The following UBR4 variants were observed in gnomAD, a reference collection of about 807,000 sequenced individuals.
UBR4 encodes the protein ubiquitin protein ligase E3 component n-recognin 4.
A neutral mutation model predicts 575.6 loss-of-function variants in UBR4; 124 were observed. That is an observed-to-expected ratio of 0.22 (90% CI 0.19 to 0.25). The LOEUF (loss-of-function observed/expected upper bound fraction) is 0.25. Among genes scored for constraint, UBR4 ranks in the 10% least tolerant of loss-of-function variants. The pLI is 1.00. For synonymous variants in UBR4, 2,455 were observed against 2,473.7 expected, an observed-to-expected ratio of 0.99 and a Z score of 0.22; for missense variants, 4,818 against 6,478.8, an observed-to-expected ratio of 0.74 and a Z score of 8.80.
Position 19,110,796 on chromosome 1 carries a change from C to T in UBR4, c.11838G>A (p.Leu3946=). The T allele has an allele frequency of 6.2e-7, 1 of 1,614,190 alleles. No homozygotes were observed. Among genetic ancestry groups the T allele is most frequent in the South Asian group, 1.1e-5 (1 of 91,082 alleles). The change falls in exon 79 of 106, where the codon CTG becomes CTA. Residue 3946 remains leucine (L), a synonymous_variant. Coordinates refer to ENST00000375254, the MANE Select transcript of UBR4 (RefSeq NM_020765.3). The surrounding 1 kb of genome is among the most constrained non-coding windows in gnomAD (Gnocchi z 4.5). The part of the protein sequence containing the change: ...NPEATQQMND[L]IIGKVSTALK... ...GGGCTGTGGAGACCTTGCCAATAATCAGGTCATTCATCTGTTGGGTGGCTT... is the reference window on the plus strand; with the variant it reads ...GGGCTGTGGAGACCTTGCCAATAATTAGGTCATTCATCTGTTGGGTGGCTT...
In UBR4 at chr1:19,174,368, G is replaced by C; in HGVS notation, c.2933C>G (p.Ser978Cys). Residue 978 changes from serine (S) to cysteine (C), a missense_variant, in exon 22 of 106, where the codon TCC (serine) becomes TGC (cysteine). Physicochemically the swap from Ser to Cys is moderately radical, Grantham distance 112. This residue lies in a region of UBR4 where 1,172 missense variants were observed against 1,259.7 expected (regional missense o/e 0.93). Transcript: ENST00000375254. ...CTTTCTCCTAACTGTATCAAGCTGG[G>C]ACCCAGCTGCAAGCAGGGCTGTCAG... ...AALTALLAAG[S>C]QLDTVRRKEN... 1 of 1,613,370 alleles carries C rather than the reference G, an allele frequency of 6.2e-7. No individual in the cohort carries two copies. Among genetic ancestry groups the C allele is most frequent in the Non-Finnish European group, 8.5e-7 (1 of 1,179,964 alleles).
rs372882903 is a variant in UBR4, at chr1:19,081,403, C to T, written c.15179G>A (p.Arg5060Gln). The T allele has an allele frequency of 4.7e-5, 76 of 1,613,576 alleles. No homozygotes were observed. The highest frequency in any genetic ancestry group is 1.6e-4 in the South Asian group (15 of 91,056). ...QWRATRVEIL[R>Q]RLLVTSQARA... ...AGCCTGCGAGGTCACCAACAGCCTC[C>T]GCAAGATTTCCACACGTGTGGCTCT... The change falls in exon 103 of 106, where the codon CGG (arginine) becomes CAG (glutamine). Residue 5060 changes from arginine (R) to glutamine (Q), a missense_variant. This residue lies in a region of UBR4 where 212 missense variants were observed against 221.3 expected (regional missense o/e 0.96). Transcript: ENST00000375254.
chr1:19,158,773 C>A (rs1477942173), intron 39 of UBR4, among the ~76,000 whole-genome samples: 1 of 151,852 alleles, frequency 6.6e-6, no homozygotes, highest in East Asian at 1.9e-4. Context: ...AAAACTGTGA[C>A]TGATTTTAAT....
At position 19,100,520 on chromosome 1, in the gene UBR4, T is replaced by C. The variant is rs1052382504; in HGVS notation, c.13077A>G (p.Gln4359=). The C allele has an allele frequency of 6.2e-7, 1 of 1,614,100 alleles. No homozygotes were observed. The highest frequency in any genetic ancestry group is 8.5e-7 in the Non-Finnish European group (1 of 1,180,012). The change falls in exon 89 of 106, where the codon CAA becomes CAG. Residue 4359 remains glutamine (Q), a synonymous_variant. Coordinates refer to ENST00000375254, the MANE Select transcript of UBR4 (RefSeq NM_020765.3). This position sits in a 1 kb window ranked among gnomAD's most constrained non-coding sequence, Gnocchi z 4.2. ...GCATCCTGCCCTGTAAGAAGTCTTCTTGTTGGGGATCCTTCTCCAGGGTCA... is the reference window on the plus strand; with the variant it reads ...GCATCCTGCCCTGTAAGAAGTCTTCCTGTTGGGGATCCTTCTCCAGGGTCA... ...FFVTLEKDPQ[Q]EDFLQGRMPG...
rs757632309 is a variant in UBR4 at position 19,193,390 on chromosome 1, T to C, written c.1143+43A>G. On this transcript the variant is annotated intron_variant, in intron 9 of 105. Coordinates refer to ENST00000375254, the MANE Select transcript of UBR4 (RefSeq NM_020765.3). Reference sequence around the variant, plus strand: ...AAGTGGAACTGGCCATACTCCCTCATTTGAACAATCAAGGTTCCCTTATCC... The same window carrying C: ...AAGTGGAACTGGCCATACTCCCTCACTTGAACAATCAAGGTTCCCTTATCC... 4.4e-6 allele frequency: 7 copies of C among 1,605,444 alleles called. No homozygotes were observed. In the Admixed American group the frequency reaches 1.2e-4, roughly 27 times the overall value.
At chr1:19,132,605 T>TAAAAAAAAA in intron 60 of UBR4, among the ~76,000 whole-genome samples, 265 of 24,018 alleles carry the variant, frequency 0.011, 10 homozygotes, top group Admixed American at 0.034. Context: ...TAAAAAATGG[T>TAAAAAAAAA]AAAAAAAAAA....
intron 1 of UBR4, among the ~76,000 whole-genome samples, chr1:19,204,468 C>T (rs2092905903): frequency 2.0e-5 from 3 of 151,916 alleles, no homozygotes; most frequent in Admixed American, 2.0e-4. Context: ...AGAAATACTG[C>T]CCACCCAAAG....
intron 68 of UBR4, 69 bp from the exon 69 acceptor site, chr1:19,120,417 C>T: frequency 6.5e-7 from 1 of 1,527,834 alleles, no homozygotes; most frequent in Non-Finnish European, 8.9e-7. Flanking sequence ...AAGGCCTGGG[C>T]TACCAAATGG....
chr1:19,126,371 T>C, intron 64 of UBR4, 75 bp downstream of exon 64: 5 of 1,573,308 alleles, frequency 3.2e-6, no homozygotes, highest in Non-Finnish European at 3.5e-6. Context: ...CCCCTTGAGC[T>C]CTCTGCACCG....
intron 65 of UBR4, among the ~76,000 whole-genome samples, chr1:19,123,918 A>G (rs1374678059): frequency 6.6e-6 from 1 of 152,206 alleles, no homozygotes; most frequent in Non-Finnish European, 1.5e-5. Flanking sequence ...AATTATGCCA[A>G]TGCACTACTT....
chr1:19,074,795 C>T lies in UBR4; in HGVS notation c.*37G>A. 6.2e-7 allele frequency: 1 copy of T among 1,611,494 alleles called. No individual in the cohort carries two copies. The highest frequency in any genetic ancestry group is 8.5e-7 in the Non-Finnish European group (1 of 1,178,782). On this transcript the variant is annotated 3_prime_UTR_variant, in exon 106 of 106. Transcript: ENST00000375254. ...GGAGAACAGAGGGTGGAAGGCAAGC[C>T]AGCTTCGTCTTCGCCGCCGCAGCTG...
chr1:19,105,005 G>A lies in UBR4; in HGVS notation c.12645+43C>T, dbSNP rs376802231. ...GTAGAGTTTACATCAAGGTACAAGG[G>A]GGAATTAGGGAAGGGGCTCTCTTGG... On this transcript the variant is annotated intron_variant, in intron 85 of 105. Coordinates refer to ENST00000375254, the MANE Select transcript of UBR4 (RefSeq NM_020765.3). 4.9e-4 allele frequency: 783 copies of A among 1,602,924 alleles called. 16 individuals are homozygous for A. In the South Asian group the frequency reaches 6.8e-3, roughly 14 times the overall value.
In UBR4 at chr1:19,084,497, T is replaced by A. The variant is rs747033232; in HGVS notation, c.15008+7A>T. On this transcript the variant is annotated splice_region_variant and intron_variant, in intron 102 of 105. Transcript: ENST00000375254. ...GAGATGCCGCCCCTGGGACACAGGG[T>A]ACTGACGTGTTCAGGACGTAAAGCA... 1.2e-6 allele frequency: 2 copies of A among 1,605,182 alleles called. No individual in the cohort carries two copies. The highest frequency in any genetic ancestry group is 1.7e-6 in the Non-Finnish European group (2 of 1,173,616).
Position 19,100,129 on chromosome 1 carries a change from C to T in UBR4, c.13221+247G>A, listed in dbSNP as rs998118202. The stretch of plus-strand genomic sequence containing the variant: ...CGATAATAAATACCCACCACCACTA[C>T]AACCAACAGCCATTAACAATATGCT... On this transcript the variant is annotated intron_variant, in intron 89 of 105. Transcript: ENST00000375254. This position sits in a 1 kb window ranked among gnomAD's most constrained non-coding sequence, Gnocchi z 4.2. 2.4e-5 allele frequency: 13 copies of T among 535,568 alleles called. No individual in the cohort carries two copies. Among genetic ancestry groups the T allele is most frequent in the Non-Finnish European group, 3.6e-5 (11 of 303,360 alleles). 33.2% of individuals were successfully genotyped at this position (535,568 alleles called of 1,614,324 possible).
chr1:19,170,822 G>T lies in UBR4; in HGVS notation c.3583C>A (p.Leu1195Met). 1 of 1,614,210 alleles carries T rather than the reference G, an allele frequency of 6.2e-7. No homozygotes were observed. Among genetic ancestry groups the T allele is most frequent in the Non-Finnish European group, 8.5e-7 (1 of 1,180,036 alleles). The change falls in exon 26 of 106, where the codon CTG (leucine) becomes ATG (methionine). Residue 1195 changes from leucine (L) to methionine (M), a missense_variant. Transcript: ENST00000375254. ...GCCAAAACAGCAGCAAAGCCTTGCAGTTTCTCCTTGGAAGGTTTCTCAGTT... is the reference window on the plus strand; with the variant it reads ...GCCAAAACAGCAGCAAAGCCTTGCATTTTCTCCTTGGAAGGTTTCTCAGTT... ...GTTEKPSKEK[L>M]QGFAAVLAIG...
rs77259868 is a variant in UBR4, at chr1:19,156,706, G to A, written c.5919+61C>T. 5.8e-3 allele frequency: 9,042 copies of A among 1,565,616 alleles called. 217 individuals carry two copies. In the East Asian group the frequency reaches 0.07, roughly 12 times the overall value. ...TAAGAAAAAGTAGTTCTGAGAACAGGGGAGAGAAAATGACTAGAATCCACA... is the reference window on the plus strand; with the variant it reads ...TAAGAAAAAGTAGTTCTGAGAACAGAGGAGAGAAAATGACTAGAATCCACA... On this transcript the variant is annotated intron_variant, in intron 41 of 105. Coordinates refer to ENST00000375254, the MANE Select transcript of UBR4 (RefSeq NM_020765.3).
chr1:19,187,573 A>C, intron 11 of UBR4, 33 bp from the exon 12 acceptor site: 8 of 1,598,076 alleles, frequency 5.0e-6, no homozygotes, highest in Non-Finnish European at 6.9e-6. Flanking sequence ...ACAATCCTTA[A>C]AATAATTAAC....
chr1:19,093,623 C>T lies in UBR4; in HGVS notation c.13938-137G>A. ...CTAACGTGACACAAAGACCTATCTG[C>T]CCCGGCTCCTGCCACTCTCCCTGTT... On this transcript the variant is annotated intron_variant, in intron 95 of 105. Coordinates refer to ENST00000375254, the MANE Select transcript of UBR4 (RefSeq NM_020765.3). The surrounding 1 kb of genome is among the most constrained non-coding windows in gnomAD (Gnocchi z 4.8). The T allele has an allele frequency of 1.0e-6, 1 of 961,426 alleles. No individual in the cohort carries two copies. The highest frequency in any genetic ancestry group is 1.5e-6 in the Non-Finnish European group (1 of 658,536). The allele number at this position is 961,426 out of a possible 1,614,324, so 59.6% of individuals were successfully genotyped here. A position where few individuals can be genotyped will look rare whatever the true frequency, so the allele number is the denominator to read the frequency against.
intron 51 of UBR4, 82 bp from the exon 52 acceptor site, chr1:19,147,082 TCAC>T (rs1226567339): frequency 1.7e-5 from 25 of 1,453,996 alleles, no homozygotes; most frequent in Non-Finnish European, 2.3e-5. Flanking sequence ...AGCTGGCAGA[TCAC>T]CAGGATTATT....
Sources: gnomAD v4.1 joint callset for allele counts (sites outside exome capture counted in the v4.1 genomes callset) on GRCh38, gnomAD v4.1.1 for gene constraint, gnomAD v4.1.1 regional missense constraint, Gnocchi (gnomAD v3.1) non-coding constraint, MANE v1.5 for transcripts, NCBI Gene and HGNC (gene_info 2026-07-23, HGNC 2026-07-21) for gene names.